Variants in SLC24A2 observed in about 807,000 individuals in gnomAD.
SLC24A2 encodes the protein solute carrier family 24 member 2, also known as sodium/potassium/calcium exchanger 2.
A neutral mutation model predicts 62.0 loss-of-function variants in SLC24A2; 36 were observed. The observed-to-expected ratio is 0.58, with a 90% CI of 0.44 to 0.77. The LOEUF (loss-of-function observed/expected upper bound fraction) is 0.77, where lower values mean the gene tolerates loss of function less well. Among genes scored for constraint, SLC24A2 ranks in the 30% least tolerant of loss-of-function variants. The pLI, the probability that SLC24A2 is intolerant of heterozygous loss-of-function variation, is 0.00. For synonymous variants in SLC24A2, 358 were observed against 294.0 expected (o/e 1.22, Z -2.23); for missense variants, 846 against 817.9 (o/e 1.03, Z -0.42).
the SLC24A2 span, among the ~76,000 whole-genome samples, chr9:19,954,251 G>A: frequency 6.6e-6 from 1 of 151,950 alleles, no homozygotes. Context: ...CAGAGTCCTG[G>A]GGATACCTCT....
chr9:19,716,575 G>T (rs1820866771), intron 2 of SLC24A2, among the ~76,000 whole-genome samples: 1 of 152,184 alleles, frequency 6.6e-6, no homozygotes, highest in African/African-American at 2.4e-5. Context: ...CAACACGGTG[G>T]TGTTCTTTTA....
In SLC24A2 at chr9:19,516,077, C is replaced by A; in HGVS notation, c.*76G>T. The A allele has an allele frequency of 3.2e-6, 5 of 1,585,274 alleles. No individual in the cohort carries two copies. The highest frequency in any genetic ancestry group is 4.3e-6 in the Non-Finnish European group (5 of 1,154,832). ...GGGCTGTGTGCCAGCTGCCTCTTCT[C>A]AAGAGGTCAAGGAGCCCAGAGCCCA... On this transcript the variant is annotated 3_prime_UTR_variant, in exon 11 of 11. Transcript: ENST00000341998.
chr9:19,975,247 A>C, the SLC24A2 span, among the ~76,000 whole-genome samples: 1 of 152,088 alleles, frequency 6.6e-6, no homozygotes, highest in Non-Finnish European at 1.5e-5. Flanking sequence ...CATATAAATA[A>C]TTTCATTTTA....
the SLC24A2 span, among the ~76,000 whole-genome samples, chr9:19,979,102 G>A: frequency 1.2e-4 from 18 of 152,316 alleles, no homozygotes; most frequent in East Asian, 3.3e-3. Context: ...GTGAATGCAA[G>A]TAATGAAGAC....
At chr9:19,603,820 T>C (rs1438350758) in intron 4 of SLC24A2, among the ~76,000 whole-genome samples, 2 of 152,172 alleles carry the variant, frequency 1.3e-5, no homozygotes, top group African/African-American at 4.8e-5. Flanking sequence ...TGATTTTGCG[T>C]TGGAATTTTA....
At chr9:20,262,636 T>C in the SLC24A2 span, among the ~76,000 whole-genome samples, 1 of 152,226 alleles carries the variant, frequency 6.6e-6, no homozygotes, top group Non-Finnish European at 1.5e-5. Context: ...TATGAAACCT[T>C]ATCATGAGCA....
chr9:20,208,173 G>C, the SLC24A2 span, among the ~76,000 whole-genome samples: 1 of 152,242 alleles, frequency 6.6e-6, no homozygotes, highest in South Asian at 2.1e-4. Flanking sequence ...ATGTGTGCAG[G>C]TGGGTAGGCA....
the SLC24A2 span, among the ~76,000 whole-genome samples, chr9:20,282,632 A>T: frequency 6.6e-6 from 1 of 152,206 alleles, no homozygotes; most frequent in African/African-American, 2.4e-5. Context: ...TCAACTATTA[A>T]AATTAAAGTC....
At chr9:19,803,209 G>A in the SLC24A2 span, among the ~76,000 whole-genome samples, 1 of 152,150 alleles carries the variant, frequency 6.6e-6, no homozygotes, top group Non-Finnish European at 1.5e-5. Flanking sequence ...AAGAAGATAT[G>A]TACTGAAATG....
chr9:20,168,387 A>T, the SLC24A2 span, among the ~76,000 whole-genome samples: 1 of 152,024 alleles, frequency 6.6e-6, no homozygotes, highest in Non-Finnish European at 1.5e-5. Context: ...ATACAACTTC[A>T]TCAAATTATC....
the SLC24A2 span, among the ~76,000 whole-genome samples, chr9:20,025,136 C>G: frequency 6.6e-6 from 1 of 152,120 alleles, no homozygotes; most frequent in African/African-American, 2.4e-5. Context: ...TTGGTATTTT[C>G]TAGTCTATTC....
rs1298711844 is a variant in SLC24A2, at chr9:19,636,419, C to CTCT, written c.931-14121_931-14120insAGA. 1.9e-5 allele frequency among the ~76,000 whole-genome samples: 2 copies of CTCT among 106,288 alleles called. 1 individual carries two copies. The highest frequency in any genetic ancestry group is 8.5e-5 in the African/African-American group (2 of 23,662). The allele number at this position is 106,288 out of a possible 152,430, so 69.7% of individuals were successfully genotyped here. A position where few individuals can be genotyped will look rare whatever the true frequency, so the allele number is the denominator to read the frequency against. ...TCTCTCTCTCTCTCTTTCTTTCTTT[C>CTCT]CTCTTCTCTTCTCTTCTCTTTTCTT... On this transcript the variant is annotated intron_variant, in intron 2 of 10. Transcript: ENST00000341998.
the SLC24A2 span, among the ~76,000 whole-genome samples, chr9:20,108,847 G>C: frequency 5.3e-5 from 8 of 151,852 alleles, no homozygotes; most frequent in African/African-American, 1.7e-4. Flanking sequence ...TTAAAGTATA[G>C]TAATAATAAA....
the SLC24A2 span, among the ~76,000 whole-genome samples, chr9:19,852,085 C>T: frequency 6.7e-4 from 102 of 152,218 alleles, no homozygotes; most frequent in Admixed American, 1.7e-3. Flanking sequence ...TGATCAGTGA[C>T]GTTGAGCTTT....
intron 2 of SLC24A2, among the ~76,000 whole-genome samples, chr9:19,772,815 C>T (rs1301304167): frequency 6.6e-6 from 1 of 152,168 alleles, no homozygotes; most frequent in Non-Finnish European, 1.5e-5. Flanking sequence ...ATAGAGAACA[C>T]ATGACCCAGC....
At chr9:20,101,301 A>G in the SLC24A2 span, among the ~76,000 whole-genome samples, 16,987 of 152,298 alleles carry the variant, frequency 0.11, 1,006 homozygotes, top group Middle Eastern at 0.17. Context: ...TTTGCTGAGA[A>G]TTGGACTTAC....
chr9:19,629,917 T>A (rs1818134799), intron 2 of SLC24A2, among the ~76,000 whole-genome samples: 1 of 152,218 alleles, frequency 6.6e-6, no homozygotes, highest in South Asian at 2.1e-4. Context: ...TAACAGTAAT[T>A]ATTTGATAAT....
intron 2 of SLC24A2, among the ~76,000 whole-genome samples, chr9:19,704,387 G>C (rs1479694517): frequency 7.2e-6 from 1 of 138,082 alleles, no homozygotes; most frequent in East Asian, 2.0e-4. Context: ...GAAGGAAATA[G>C]GGAAAGAGAG....
At chr9:19,566,941 C>A (rs1473191589) in intron 7 of SLC24A2, among the ~76,000 whole-genome samples, 1 of 150,020 alleles carries the variant, frequency 6.7e-6, no homozygotes, top group Admixed American at 6.7e-5. Flanking sequence ...CGGGGAACAT[C>A]ACACACCGGG....
Sources: gnomAD v4.1 joint callset for allele counts (sites outside exome capture counted in the v4.1 genomes callset) on GRCh38, gnomAD v4.1.1 for gene constraint, MANE v1.5 for transcripts, NCBI Gene and HGNC (gene_info 2026-07-23, HGNC 2026-07-21) for gene names.